The following RBPJ variants were observed in gnomAD, a reference collection of about 807,000 sequenced individuals.
RBPJ encodes the protein recombining binding protein suppressor of hairless.
RBPJ carries 9 observed loss-of-function variants against 67.8 expected under a neutral mutation model. That is an observed-to-expected ratio of 0.13 (90% CI 0.08 to 0.23). RBPJ has a LOEUF of 0.23. Ranked by LOEUF, RBPJ falls within the 10% of genes least tolerant of loss-of-function variation. The pLI is 1.00. For synonymous variants in RBPJ, 198 were observed against 203.3 expected (o/e 0.97, Z 0.22); for missense variants, 305 against 595.6 (o/e 0.51, Z 5.08).
chr4:26,393,919 AG>A (rs1235034451), intron 2 of RBPJ, among the ~76,000 whole-genome samples: 1 of 152,138 alleles, frequency 6.6e-6, no homozygotes, highest in African/African-American at 2.4e-5. Flanking sequence ...CCTGTTGTGA[AG>A]GTCATCTTTT....
At chr4:26,277,935 C>CT (rs1233203008) in intron 1 of RBPJ, among the ~76,000 whole-genome samples, 4 of 152,126 alleles carry the variant, frequency 2.6e-5, no homozygotes, top group Admixed American at 6.6e-5. Flanking sequence ...CAATCAATGC[C>CT]TTTTTTCCAA....
intron 1 of RBPJ, among the ~76,000 whole-genome samples, chr4:26,335,778 C>A (rs530548566): frequency 6.6e-6 from 1 of 151,890 alleles, no homozygotes; most frequent in South Asian, 2.1e-4. Flanking sequence ...GCACCACCTA[C>A]GCCCGGCTAA....
intron 1 of RBPJ, among the ~76,000 whole-genome samples, chr4:26,255,786 A>G (rs1327656805): frequency 6.7e-6 from 1 of 149,142 alleles, no homozygotes; most frequent in Admixed American, 6.7e-5. Context: ...TGGGCAACAG[A>G]GCAAGACTCC....
chr4:26,255,213 GC>G (rs1451531714), intron 1 of RBPJ, among the ~76,000 whole-genome samples: 4 of 141,310 alleles, frequency 2.8e-5, no homozygotes, highest in African/African-American at 1.1e-4. Flanking sequence ...GACCATCCTG[GC>G]TAACACGGTG....
At chr4:26,309,331 G>A (rs1012769995) in intron 1 of RBPJ, among the ~76,000 whole-genome samples, 1 of 152,074 alleles carries the variant, frequency 6.6e-6, no homozygotes, top group Non-Finnish European at 1.5e-5. Context: ...CGTGTCCTGC[G>A]ATTATCTAAT....
At chr4:26,260,269 T>G (rs1048699865) in intron 1 of RBPJ, among the ~76,000 whole-genome samples, 7 of 152,240 alleles carry the variant, frequency 4.6e-5, no homozygotes, top group African/African-American at 1.4e-4. Context: ...TCTTGTTTCA[T>G]GTACTAATGG....
At chr4:26,214,913 AAG>A (rs1331203817) in intron 1 of RBPJ, among the ~76,000 whole-genome samples, 3 of 92,254 alleles carry the variant, frequency 3.3e-5, no homozygotes, top group East Asian at 3.4e-4. Flanking sequence ...AGAAAGAAAA[AAG>A]AGAAAAAAGG....
At chr4:26,213,761 T>G (rs1386148009) in intron 1 of RBPJ, among the ~76,000 whole-genome samples, 1 of 152,106 alleles carries the variant, frequency 6.6e-6, no homozygotes, top group Non-Finnish European at 1.5e-5. Context: ...GAGACTAGGT[T>G]GTAAGAGAAC....
At chr4:26,401,126 C>T (rs911639678) in intron 2 of RBPJ, among the ~76,000 whole-genome samples, 3 of 152,242 alleles carry the variant, frequency 2.0e-5, no homozygotes, top group Non-Finnish European at 4.4e-5. Context: ...AGGCTACTGA[C>T]ACTTGCTTTC....
the RBPJ span, among the ~76,000 whole-genome samples, chr4:26,145,147 T>C: frequency 1.4e-4 from 20 of 142,878 alleles, no homozygotes; most frequent in Non-Finnish European, 1.9e-4. Context: ...TGAACTTTAA[T>C]TGGATCACCT....
At chr4:26,350,581 A>G (rs981355712) in intron 1 of RBPJ, among the ~76,000 whole-genome samples, 2 of 152,208 alleles carry the variant, frequency 1.3e-5, no homozygotes, top group Non-Finnish European at 2.9e-5. Flanking sequence ...CAAAAAACCT[A>G]CAACCTATAG....
intron 1 of RBPJ, among the ~76,000 whole-genome samples, chr4:26,216,131 A>C (rs1718717164): frequency 6.6e-6 from 1 of 152,074 alleles, no homozygotes; most frequent in African/African-American, 2.4e-5. Context: ...AGCCACCATC[A>C]CATGGCCTTC....
intron 1 of RBPJ, among the ~76,000 whole-genome samples, chr4:26,359,314 T>C (rs1289749378): frequency 4.6e-5 from 7 of 152,204 alleles, no homozygotes; most frequent in South Asian, 4.1e-4. Context: ...ACGTTTCCAT[T>C]GTATGGGTGT....
intron 1 of RBPJ, among the ~76,000 whole-genome samples, chr4:26,252,844 T>G (rs1470852373): frequency 2.4e-4 from 36 of 152,280 alleles, no homozygotes; most frequent in Non-Finnish European, 2.5e-4. Flanking sequence ...TACTCCAATG[T>G]CAGAGAATAA....
chr4:26,305,358 G>A (rs1359560468), intron 1 of RBPJ, among the ~76,000 whole-genome samples: 1 of 152,212 alleles, frequency 6.6e-6, no homozygotes, highest in Admixed American at 6.5e-5. Context: ...TTTCTACAAA[G>A]TGGCCAACTG....
chr4:26,173,127 A>AT (rs920524888), intron 1 of RBPJ, among the ~76,000 whole-genome samples: 3 of 151,744 alleles, frequency 2.0e-5, no homozygotes, highest in East Asian at 3.9e-4. Flanking sequence ...GTATGTTGGG[A>AT]TTTTTTCTTT....
At chr4:26,241,161 C>T (rs1719623150) in intron 1 of RBPJ, among the ~76,000 whole-genome samples, 1 of 150,392 alleles carries the variant, frequency 6.6e-6, no homozygotes, top group Non-Finnish European at 1.5e-5. Flanking sequence ...CGCACCATTG[C>T]ACTCTAGCCT....
the RBPJ span, among the ~76,000 whole-genome samples, chr4:26,109,633 T>A: frequency 3.2e-5 from 1 of 31,556 alleles, no homozygotes; most frequent in Non-Finnish European, 5.7e-5. Flanking sequence ...CCTCTCTCTC[T>A]CTCTCTCTGT....
At chr4:26,131,933 G>T in the RBPJ span, among the ~76,000 whole-genome samples, 2 of 152,230 alleles carry the variant, frequency 1.3e-5, no homozygotes, top group Non-Finnish European at 2.9e-5. Context: ...CCCCGAGGAA[G>T]TACCAAGACT....
Sources: gnomAD v4.1 joint callset for allele counts (sites outside exome capture counted in the v4.1 genomes callset) on GRCh38, gnomAD v4.1.1 for gene constraint, MANE v1.5 for transcripts, NCBI Gene and HGNC (gene_info 2026-07-23, HGNC 2026-07-21) for gene names.